ADGRB3: variants seen among roughly 807,000 people sequenced by gnomAD.
ADGRB3 encodes adhesion G protein-coupled receptor B3.
A neutral mutation model predicts 193.4 loss-of-function variants in ADGRB3; 37 were observed. That is an observed-to-expected ratio of 0.19 (90% CI 0.15 to 0.25). The LOEUF is 0.25. Among genes scored for constraint, ADGRB3 ranks in the 10% least tolerant of loss-of-function variants. The probability of loss-of-function intolerance (pLI) is 1.00; values close to 1 mark genes in which losing one functional copy is unlikely to be tolerated. For missense variants in ADGRB3, 1,637 were observed against 1,852.9 expected (o/e 0.88, Z 2.14); for synonymous variants, 690 against 644.2 (o/e 1.07, Z -1.08).
At chr6:68,893,506 G>C (rs965072729) in intron 3 of ADGRB3, among the ~76,000 whole-genome samples, 1 of 149,852 alleles carries the variant, frequency 6.7e-6, no homozygotes, top group Non-Finnish European at 1.5e-5. Flanking sequence ...AAAAAAGAAA[G>C]CCTGTCTCCA....
intron 17 of ADGRB3, among the ~76,000 whole-genome samples, chr6:69,084,209 C>T (rs1772482362): frequency 6.6e-6 from 1 of 152,046 alleles, no homozygotes; most frequent in South Asian, 2.1e-4. Flanking sequence ...CCCAACTATC[C>T]AGTTAAATTA....
intron 20 of ADGRB3, among the ~76,000 whole-genome samples, chr6:69,256,297 A>G (rs1317836784): frequency 6.6e-6 from 1 of 152,070 alleles, no homozygotes; most frequent in East Asian, 1.9e-4. Flanking sequence ...CTTGGGCCGT[A>G]TGGCCATTTT....
intron 26 of ADGRB3, among the ~76,000 whole-genome samples, chr6:69,341,906 T>C (rs1473370950): frequency 6.6e-6 from 1 of 152,188 alleles, no homozygotes; most frequent in Admixed American, 6.6e-5. Flanking sequence ...AGAACAGTGC[T>C]GCGTCACTAT....
chr6:68,686,001 AAC>A (rs1310758852), intron 3 of ADGRB3, among the ~76,000 whole-genome samples: 1 of 152,194 alleles, frequency 6.6e-6, no homozygotes, highest in Non-Finnish European at 1.5e-5. Context: ...CTCGGGACTT[AAC>A]CATGTCAATA....
intron 17 of ADGRB3, among the ~76,000 whole-genome samples, chr6:69,134,989 GT>G (rs1307064048): frequency 1.3e-5 from 2 of 151,612 alleles, no homozygotes; most frequent in African/African-American, 4.8e-5. Flanking sequence ...CTGTTTTAGT[GT>G]TTTTTATTAT....
intron 3 of ADGRB3, among the ~76,000 whole-genome samples, chr6:68,865,955 C>A (rs1211793880): frequency 1.3e-5 from 2 of 152,194 alleles, no homozygotes; most frequent in Non-Finnish European, 2.9e-5. Context: ...GATTCTTACA[C>A]TACCTCTGTT....
intron 17 of ADGRB3, among the ~76,000 whole-genome samples, chr6:69,151,492 A>T (rs1337651101): frequency 6.6e-6 from 1 of 152,210 alleles, no homozygotes; most frequent in Non-Finnish European, 1.5e-5. Flanking sequence ...GGCATCAGTC[A>T]TTCAAATCTA....
intron 17 of ADGRB3, among the ~76,000 whole-genome samples, chr6:69,142,219 G>A (rs772709246): frequency 2.6e-4 from 40 of 151,980 alleles, no homozygotes; most frequent in Non-Finnish European, 5.4e-4. Context: ...TCTTTAGTTA[G>A]AGTACGTTCC....
At chr6:68,910,592 A>T (rs1338497469) in intron 3 of ADGRB3, among the ~76,000 whole-genome samples, 1 of 152,200 alleles carries the variant, frequency 6.6e-6, no homozygotes, top group Non-Finnish European at 1.5e-5. Flanking sequence ...ATAAGGTGTA[A>T]GGAAGGGATC....
chr6:69,140,599 T>C (rs189333064), intron 17 of ADGRB3, among the ~76,000 whole-genome samples: 1 of 152,210 alleles, frequency 6.6e-6, no homozygotes, highest in Admixed American at 6.5e-5. Context: ...CAAAACAGGA[T>C]GACTATTGTC....
intron 3 of ADGRB3, among the ~76,000 whole-genome samples, chr6:68,817,015 G>A (rs646118): frequency 0.087 from 13,138 of 151,674 alleles, 654 homozygotes; most frequent in African/African-American, 0.12. Context: ...ACAACATTTG[G>A]TATTTTTTAT....
intron 3 of ADGRB3, among the ~76,000 whole-genome samples, chr6:68,901,773 G>A (rs9689807): frequency 0.78 from 117,962 of 152,094 alleles, 46,241 homozygotes; most frequent in Middle Eastern, 0.85. Context: ...GAAAAGCAGA[G>A]AACAAAATTA....
intron 13 of ADGRB3, among the ~76,000 whole-genome samples, chr6:69,019,474 A>C (rs1314354126): frequency 6.6e-6 from 1 of 151,898 alleles, no homozygotes; most frequent in Non-Finnish European, 1.5e-5. Flanking sequence ...TTGGTGGTTC[A>C]TTTTATACTT....
intron 30 of ADGRB3, among the ~76,000 whole-genome samples, chr6:69,380,422 T>G (rs992151913): frequency 2.0e-5 from 3 of 151,932 alleles, no homozygotes; most frequent in African/African-American, 7.2e-5. Flanking sequence ...TATCAGATGC[T>G]CATCTCAAAA....
intron 15 of ADGRB3, among the ~76,000 whole-genome samples, chr6:69,051,068 G>A (rs935376776): frequency 6.6e-6 from 1 of 151,982 alleles, no homozygotes; most frequent in African/African-American, 2.4e-5. Flanking sequence ...TTTCCCAAGG[G>A]ATCCCAGCCT....
At chr6:68,839,781 A>G (rs1458419386) in intron 3 of ADGRB3, among the ~76,000 whole-genome samples, 1 of 152,142 alleles carries the variant, frequency 6.6e-6, no homozygotes, top group Admixed American at 6.6e-5. Flanking sequence ...TTAAGTTCAT[A>G]TTACTGAAAA....
At chr6:69,293,667 C>G (rs1767742786) in intron 20 of ADGRB3, among the ~76,000 whole-genome samples, 1 of 152,144 alleles carries the variant, frequency 6.6e-6, no homozygotes, top group Non-Finnish European at 1.5e-5. Flanking sequence ...TAGCTACTCC[C>G]TCCCCATTTG....
At chr6:69,076,200 T>A (rs1339733910) in intron 17 of ADGRB3, among the ~76,000 whole-genome samples, 162 bp downstream of exon 17, 1 of 152,092 alleles carries the variant, frequency 6.6e-6, no homozygotes, top group Non-Finnish European at 1.5e-5. Context: ...ATGATGAATG[T>A]GTTTGTGTGT....
chr6:69,170,451 G>A (rs754394760), intron 17 of ADGRB3, among the ~76,000 whole-genome samples: 9 of 152,036 alleles, frequency 5.9e-5, no homozygotes, highest in Non-Finnish European at 1.3e-4. Context: ...CTTTCTTCTA[G>A]AATAGGCCTA....
Sources: gnomAD v4.1 joint callset for allele counts (sites outside exome capture counted in the v4.1 genomes callset) on GRCh38, gnomAD v4.1.1 for gene constraint, MANE v1.5 for transcripts, NCBI Gene and HGNC (gene_info 2026-07-23, HGNC 2026-07-21) for gene names.